The following OSBPL6 variants were observed in gnomAD, a reference collection of about 807,000 sequenced individuals.
The protein encoded by OSBPL6 is oxysterol binding protein like 6, also known as oxysterol-binding protein-related protein 6.
OSBPL6 carries 49 observed loss-of-function variants against 125.8 expected under a neutral mutation model. The ratio of observed to expected loss-of-function variants is 0.39; its 90% confidence interval spans 0.31 to 0.49. The LOEUF (loss-of-function observed/expected upper bound fraction) is 0.49, where lower values mean the gene tolerates loss of function less well. Ranked by LOEUF, OSBPL6 falls within the 20% of genes least tolerant of loss-of-function variation. OSBPL6 has a pLI of 0.88. For missense variants in OSBPL6, 986 were observed against 1,135.4 expected (o/e 0.87, Z 1.89); for synonymous variants, 394 against 391.8 (o/e 1.01, Z -0.07).
At chr2:178,222,926 C>T (rs2090403469) in intron 1 of OSBPL6, among the ~76,000 whole-genome samples, 1 of 152,134 alleles carries the variant, frequency 6.6e-6, no homozygotes, top group Non-Finnish European at 1.5e-5. Context: ...TAGTCATGCA[C>T]ACATGCTGCT....
At chr2:178,251,026 G>C (rs978227058) in intron 1 of OSBPL6, among the ~76,000 whole-genome samples, 2 of 152,104 alleles carry the variant, frequency 1.3e-5, no homozygotes, top group African/African-American at 4.8e-5. Flanking sequence ...AGATGAGCTG[G>C]ATGTTTCTTT....
Position 178,331,583 on chromosome 2 carries a change from A to C in OSBPL6, c.350A>C (p.Lys117Thr), listed in dbSNP as rs1262397983. Residue 117 changes from lysine to threonine, a missense_variant, in exon 6 of 25, where the codon AAG becomes ACG. Around this residue, in one of 3 missense-constraint regions of OSBPL6, gnomAD observed 13 missense variants for 31.7 expected, o/e 0.41. Transcript: ENST00000190611. ...RFFVLDNGML[K>T]YSKAPLDIQK... ...TTTGTCCTGGATAATGGAATGTTAAAGTATTCAAAGGCACCACTCGATGTA... is the reference window on the plus strand; with the variant it reads ...TTTGTCCTGGATAATGGAATGTTAACGTATTCAAAGGCACCACTCGATGTA... 1 of 1,614,044 alleles carries C rather than the reference A, an allele frequency of 6.2e-7. No individual in the cohort carries two copies. Among genetic ancestry groups the C allele is most frequent in the Non-Finnish European group, 8.5e-7 (1 of 1,179,988 alleles).
At chr2:178,331,685 C>T in intron 6 of OSBPL6, 80 bp downstream of exon 6, 1 of 1,444,762 alleles carries the variant, frequency 6.9e-7, no homozygotes, top group Non-Finnish European at 9.7e-7. Flanking sequence ...TTGTACAAGC[C>T]TTGTGCCATA....
intron 1 of OSBPL6, among the ~76,000 whole-genome samples, chr2:178,270,639 C>A (rs2092356489): frequency 6.6e-6 from 1 of 152,054 alleles, no homozygotes; most frequent in Admixed American, 6.6e-5. Flanking sequence ...TTTCTATGAG[C>A]CTCACAAAAG....
At chr2:178,302,158 C>G (rs577969029) in intron 2 of OSBPL6, among the ~76,000 whole-genome samples, 40 of 152,238 alleles carry the variant, frequency 2.6e-4, no homozygotes, top group African/African-American at 8.9e-4. Context: ...GAGATTTATG[C>G]CACTCAATGA....
intron 1 of OSBPL6, among the ~76,000 whole-genome samples, chr2:178,243,020 T>G (rs2091350886): frequency 6.6e-6 from 1 of 151,958 alleles, no homozygotes; most frequent in Non-Finnish European, 1.5e-5. Context: ...TTTTTATAAA[T>G]ATATCATTTA....
At chr2:178,253,888 C>T (rs1229074652) in intron 1 of OSBPL6, among the ~76,000 whole-genome samples, 1 of 152,080 alleles carries the variant, frequency 6.6e-6, no homozygotes, top group Admixed American at 6.5e-5. Flanking sequence ...AGAGCTCTGC[C>T]CTCCTGAGTG....
intron 2 of OSBPL6, among the ~76,000 whole-genome samples, chr2:178,302,305 T>C (rs1264365690): frequency 2.0e-5 from 3 of 152,206 alleles, no homozygotes; most frequent in South Asian, 2.1e-4. Context: ...TCATTGAGTA[T>C]AGTAATTATG....
chr2:178,384,040 T>C lies in OSBPL6; in HGVS notation c.1877T>C (p.Val626Ala). 6.2e-7 allele frequency: 1 copy of C among 1,613,594 alleles called. No homozygotes were observed. The highest frequency in any genetic ancestry group is 8.5e-7 in the Non-Finnish European group (1 of 1,179,514). ...CCCTTTTCTTCAATGTTTTAACAGG[T>C]TCTCGTTGCCGCATTTGCAGTTTCA... Reference protein sequence around the residue: ...SETDDPYERMVLVAAFAVSGY... With the variant: ...SETDDPYERMALVAAFAVSGY... The change falls in exon 18 of 25, where the codon GTT becomes GCT. Residue 626 changes from valine to alanine, a missense_variant and splice_region_variant. Val to Ala is a moderately conservative substitution (Grantham distance 64, BLOSUM62 0). Transcript: ENST00000190611.
chr2:178,373,740 A>C (rs905557014), intron 14 of OSBPL6, 150 bp from the exon 15 acceptor site: 2 of 886,910 alleles, frequency 2.3e-6, no homozygotes, highest in African/African-American at 1.7e-5. Flanking sequence ...AAACTTATAC[A>C]GTGATCATTG....
chr2:178,365,870 G>A (rs944657274), intron 13 of OSBPL6, among the ~76,000 whole-genome samples: 65 of 152,110 alleles, frequency 4.3e-4, no homozygotes, highest in African/African-American at 1.5e-3. Context: ...TTTGACATCA[G>A]CTATAATTTC....
chr2:178,242,380 A>G (rs142701329), intron 1 of OSBPL6, among the ~76,000 whole-genome samples: 42 of 152,258 alleles, frequency 2.8e-4, no homozygotes, highest in African/African-American at 9.6e-4. Flanking sequence ...GCAAAATGTA[A>G]TCCCAATTCC....
At chr2:178,239,098 G>A (rs185880651) in intron 1 of OSBPL6, among the ~76,000 whole-genome samples, 67 of 152,146 alleles carry the variant, frequency 4.4e-4, no homozygotes, top group African/African-American at 1.4e-3. Context: ...CCCCATTAAT[G>A]GTATCACAGT....
At chr2:178,382,546 T>C (rs747297875) in intron 16 of OSBPL6, 39 bp downstream of exon 16, 8 of 1,613,174 alleles carry the variant, frequency 5.0e-6, no homozygotes, top group Admixed American at 1.7e-5. Flanking sequence ...TCTATCTACA[T>C]GCCAAATTGC....
chr2:178,337,987 G>A (rs1689850708), intron 9 of OSBPL6, among the ~76,000 whole-genome samples: 1 of 135,388 alleles, frequency 7.4e-6, no homozygotes. Context: ...TATTGCATAG[G>A]CTGGAGTGCA....
At chr2:178,290,806 T>C (rs950480856) in intron 2 of OSBPL6, among the ~76,000 whole-genome samples, 1 of 152,130 alleles carries the variant, frequency 6.6e-6, no homozygotes, top group African/African-American at 2.4e-5. Context: ...TGTCAGTGTT[T>C]CCATGCCTTT....
rs1693593888 is a variant in OSBPL6 at position 178,373,527 on chromosome 2, T to C, written c.1396-363T>C. Among the ~76,000 whole-genome samples, 8 of 152,228 alleles carry C rather than the reference T, an allele frequency of 5.3e-5. No homozygotes were observed. In the South Asian group the frequency reaches 1.7e-3, roughly 31 times the overall value. On this transcript the variant is annotated intron_variant, in intron 14 of 24. Coordinates refer to ENST00000190611, the MANE Select transcript of OSBPL6 (RefSeq NM_032523.4). Reference sequence around the variant, plus strand: ...TTTTCTTAGCATAACTCTAGTAGTTTCTACGAATATTTCTTCATGTTTAAT... The same window carrying C: ...TTTTCTTAGCATAACTCTAGTAGTTCCTACGAATATTTCTTCATGTTTAAT...
chr2:178,252,416 T>C (rs1052095314), intron 1 of OSBPL6, among the ~76,000 whole-genome samples: 1 of 151,570 alleles, frequency 6.6e-6, no homozygotes, highest in Non-Finnish European at 1.5e-5. Context: ...AATAAAACTT[T>C]TATTGTAAAA....
intron 4 of OSBPL6, among the ~76,000 whole-genome samples, chr2:178,326,658 T>C (rs1444711898): frequency 6.6e-6 from 1 of 152,218 alleles, no homozygotes; most frequent in Admixed American, 6.5e-5. Context: ...TTACACACTG[T>C]ATTTGTAACA....
Sources: allele counts gnomAD v4.1 joint callset (sites outside exome capture counted in the v4.1 genomes callset), GRCh38; gene constraint gnomAD v4.1.1; regional missense constraint gnomAD v4.1.1; transcripts MANE v1.5; gene names NCBI Gene and HGNC (gene_info 2026-07-23, HGNC 2026-07-21).